AP2A1: variants seen among roughly 807,000 people sequenced by gnomAD.
AP2A1 encodes adaptor related protein complex 2 subunit alpha 1, also known as AP-2 complex subunit alpha-1.
A neutral mutation model predicts 107.3 loss-of-function variants in AP2A1; 21 were observed. That is an observed-to-expected ratio of 0.20 (90% CI 0.14 to 0.28). AP2A1 has a LOEUF of 0.28. AP2A1 is among the 10% of genes least tolerant of loss of function. AP2A1 has a pLI of 1.00. For synonymous variants in AP2A1, 602 were observed against 564.8 expected (o/e 1.07, Z -0.93); for missense variants, 873 against 1,307.7 (o/e 0.67, Z 5.13).
intron 7 of AP2A1, chr19:49,796,608 C>T (rs76403112): frequency 0.13 from 20,335 of 152,204 alleles, 1,539 homozygotes; most frequent in Middle Eastern, 0.2. Context: ...TGCATGCGTT[C>T]GCCTGTGTGT....
chr19:49,776,494 A>G (rs375353961), intron 1 of AP2A1, among the ~76,000 whole-genome samples: 3 of 152,064 alleles, frequency 2.0e-5, no homozygotes, highest in African/African-American at 2.4e-5. Flanking sequence ...CACCACTCCA[A>G]TCCAGGGATG....
rs371530889 is a variant in AP2A1 at position 49,800,133 on chromosome 19, G to A, written c.1438G>A (p.Ala480Thr). The A allele has an allele frequency of 6.2e-6, 10 of 1,610,728 alleles. No individual in the cohort carries two copies. The highest frequency in any genetic ancestry group is 1.1e-5 in the South Asian group (1 of 90,824). The change falls in exon 11 of 23, where the codon GCC becomes ACC. Residue 480 changes from alanine (A) to threonine (T), a missense_variant. Transcript: ENST00000354293. ...CCGTGATGACGTCCAGGGCTATGCC[G>A]CCAAGACCGTCTTTGAGGTCAGCAT... ...TNRDDVQGYAAKTVFEALQAP... is the reference protein window; with the variant it reads ...TNRDDVQGYATKTVFEALQAP...
At chr19:49,802,584 C>T (rs769044271) in intron 15 of AP2A1, 1 of 1,601,506 alleles carries the variant, frequency 6.2e-7, no homozygotes, top group Admixed American at 1.7e-5. Flanking sequence ...CTGGCTGACC[C>T]AGCTCCAGCT....
intron 6 of AP2A1, among the ~76,000 whole-genome samples, chr19:49,794,634 G>C (rs2073188193): frequency 6.6e-6 from 1 of 151,466 alleles, no homozygotes; most frequent in African/African-American, 2.4e-5. Flanking sequence ...GGTTGAATAG[G>C]AGTTTGCAAT....
intron 9 of AP2A1, 29 bp downstream of exon 9, chr19:49,799,524 C>T: frequency 6.2e-7 from 1 of 1,606,510 alleles, no homozygotes; most frequent in African/African-American, 1.3e-5. Flanking sequence ...CACCCCGGGC[C>T]TGCCACCCCC....
chr19:49,786,434 G>A (rs2084738118), intron 4 of AP2A1, among the ~76,000 whole-genome samples: 1 of 152,238 alleles, frequency 6.6e-6, no homozygotes, highest in South Asian at 2.1e-4. Context: ...TGGACTCGCT[G>A]CAGTTCCAGT....
At chr19:49,769,308 G>T (rs1440366197) in intron 1 of AP2A1, among the ~76,000 whole-genome samples, 1 of 152,132 alleles carries the variant, frequency 6.6e-6, no homozygotes, top group Non-Finnish European at 1.5e-5. Flanking sequence ...CTTCCCCGAG[G>T]AAGACAGAAC....
At chr19:49,786,356 C>G (rs2084736579) in intron 4 of AP2A1, among the ~76,000 whole-genome samples, 1 of 152,204 alleles carries the variant, frequency 6.6e-6, no homozygotes, top group Admixed American at 6.5e-5. Flanking sequence ...TATTCACGAG[C>G]TATTTTATTT....
chr19:49,773,203 T>A (rs1238681329), intron 1 of AP2A1, among the ~76,000 whole-genome samples: 1 of 152,188 alleles, frequency 6.6e-6, no homozygotes, highest in Non-Finnish European at 1.5e-5. Context: ...TGTTCTGTCC[T>A]GTCTGCAGCA....
chr19:49,797,625 C>G (rs1009210832), intron 7 of AP2A1: 1 of 152,044 alleles, frequency 6.6e-6, no homozygotes, highest in Admixed American at 6.6e-5. Flanking sequence ...ACTCAGGAGG[C>G]TGAGATGGGA....
chr19:49,801,755 G>T lies in AP2A1; in HGVS notation c.1819G>T (p.Glu607Ter). The change falls in exon 14 of 23, where the codon GAG becomes TAG. Residue 607 changes from glutamate (E) to a stop codon, truncating the protein, a stop_gained. Transcript: ENST00000354293. LOFTEE classifies it high-confidence loss of function. ...TVLEEMPPFPERESSILAKLK... is the reference protein window; with the variant it reads ...TVLEEMPPFP ...GCTGGAGGAGATGCCGCCCTTCCCCGAGCGCGAGTCGTCCATCCTGGCCAA... is the reference window on the plus strand; with the variant it reads ...GCTGGAGGAGATGCCGCCCTTCCCCTAGCGCGAGTCGTCCATCCTGGCCAA... 6.4e-7 allele frequency: 1 copy of T among 1,553,768 alleles called. No individual in the cohort carries two copies. The highest frequency in any genetic ancestry group is 2.4e-5 in the East Asian group (1 of 41,506).
At position 49,782,033 on chromosome 19, in the gene AP2A1, G is replaced by C. The variant is rs1245406259; in HGVS notation, c.223G>C (p.Gly75Arg). 1.9e-6 allele frequency: 3 copies of C among 1,594,380 alleles called. No homozygotes were observed. Among genetic ancestry groups the C allele is most frequent in the Non-Finnish European group, 2.6e-6 (3 of 1,169,996 alleles). The change falls in exon 3 of 23, where the codon GGG becomes CGG. Residue 75 changes from glycine to arginine, a missense_variant. Gly to Arg is a moderately radical substitution (Grantham distance 125). Around this residue, in one of 4 missense-constraint regions of AP2A1, gnomAD observed 87 missense variants for 178.2 expected, o/e 0.49. Transcript: ENST00000354293. ...CCTGCTTGGCCATGACATTGACTTTGGGCACATGGAGGCTGTGAATCTGTT... is the reference window on the plus strand; with the variant it reads ...CCTGCTTGGCCATGACATTGACTTTCGGCACATGGAGGCTGTGAATCTGTT... ...IFLLGHDIDF[G>R]HMEAVNLLSS...
intron 22 of AP2A1, 109 bp from the exon 23 acceptor site, chr19:49,806,572 G>T (rs912882671): frequency 3.9e-6 from 6 of 1,547,022 alleles, no homozygotes; most frequent in Non-Finnish European, 5.2e-6. Context: ...CCTGTGTCTT[G>T]TATCACCTTT....
chr19:49,782,839 G>A, intron 4 of AP2A1, 115 bp downstream of exon 4: 1 of 1,238,430 alleles, frequency 8.1e-7, no homozygotes, highest in Non-Finnish European at 1.1e-6. Context: ...CGAGATGTGG[G>A]CTAACGCTGG....
chr19:49,783,643 C>T (rs1041621071), intron 4 of AP2A1, among the ~76,000 whole-genome samples: 4 of 152,146 alleles, frequency 2.6e-5, no homozygotes, highest in Non-Finnish European at 5.9e-5. Context: ...TAAGAGAAGC[C>T]GGGCACCCAA....
chr19:49,769,825 GA>G (rs1190694555), intron 1 of AP2A1, among the ~76,000 whole-genome samples: 1 of 152,154 alleles, frequency 6.6e-6, no homozygotes, highest in Non-Finnish European at 1.5e-5. Flanking sequence ...CTGGGTGAGA[GA>G]TGGTGCTGGC....
chr19:49,792,456 C>T (rs1263888245), intron 5 of AP2A1, among the ~76,000 whole-genome samples: 88 of 152,036 alleles, frequency 5.8e-4, no homozygotes, highest in Admixed American at 5.2e-3. Flanking sequence ...TCGGCGCTGA[C>T]GTTCACCAGA....
At chr19:49,773,994 A>G (rs908870362) in intron 1 of AP2A1, among the ~76,000 whole-genome samples, 5 of 141,640 alleles carry the variant, frequency 3.5e-5, no homozygotes, top group Non-Finnish European at 7.6e-5. Context: ...TGAGAACTTT[A>G]CTTTTACTTC....
chr19:49,805,405 C>A, intron 18 of AP2A1, 48 bp from the exon 19 acceptor site: 1 of 1,491,150 alleles, frequency 6.7e-7, no homozygotes, highest in South Asian at 1.3e-5. Flanking sequence ...CCCAGACCTC[C>A]CGGGGGCCCA....
Sources: allele counts gnomAD v4.1 joint callset (sites outside exome capture counted in the v4.1 genomes callset), GRCh38; gene constraint gnomAD v4.1.1; regional missense constraint gnomAD v4.1.1; transcripts MANE v1.5; gene names NCBI Gene and HGNC (gene_info 2026-07-23, HGNC 2026-07-21).